Variants in EVC observed in about 807,000 individuals in gnomAD.
The protein encoded by EVC is evC complex member EVC.
EVC carries 116 observed loss-of-function variants against 118.9 expected under a neutral mutation model. The ratio of observed to expected loss-of-function variants is 0.98; its 90% CI spans 0.84 to 1.14. EVC has a LOEUF of 1.14. Among genes scored for constraint, EVC ranks in the 50% most tolerant of loss-of-function variants. The probability of loss-of-function intolerance (pLI) is 0.00; values close to 1 mark genes in which losing one functional copy is unlikely to be tolerated. For missense variants in EVC, 1,401 were observed against 1,246.4 expected (o/e 1.12, Z -1.87); for synonymous variants, 619 against 534.7 (o/e 1.16, Z -2.18).
rs943271747 is a variant in EVC, at chr4:5,732,095, A to G, written c.617+438A>G. Among the ~76,000 whole-genome samples, 5 of 141,622 alleles carry G rather than the reference A, an allele frequency of 3.5e-5. No homozygotes were observed. The East Asian group carries it at 5.8e-4, about 16-fold the overall frequency. The allele number at this position is 141,622 out of a possible 152,430, so 92.9% of individuals were successfully genotyped here. A position where few individuals can be genotyped will look rare whatever the true frequency, so the allele number is the denominator to read the frequency against. The stretch of plus-strand genomic sequence containing the variant: ...TGAATGAATTCCGTTTAACACCCCT[A>G]TGAAGTTGGTACTGTCATTTCCTCC... On this transcript the variant is annotated intron_variant, in intron 4 of 20. Coordinates refer to ENST00000264956, the MANE Select transcript of EVC (RefSeq NM_153717.3).
intron 11 of EVC, 87 bp from the exon 12 acceptor site, chr4:5,783,465 G>T: frequency 1.6e-6 from 2 of 1,271,538 alleles, no homozygotes; most frequent in Non-Finnish European, 2.3e-6. Flanking sequence ...CTTGTGGGAG[G>T]CTTGTGGAGG....
At position 5,777,544 on chromosome 4, in the gene EVC, T is replaced by G. The variant is rs900445246; in HGVS notation, c.1564-6008T>G. Among the ~76,000 whole-genome samples the G allele has an allele frequency of 2.6e-4, 40 of 152,304 alleles. 1 individual carries two copies. Among genetic ancestry groups the G allele is most frequent in the African/African-American group, 8.2e-4 (34 of 41,542 alleles). ...CTGGGCATGCCCCTCCAGATGTGTC[T>G]TCTTAGACCTTGGCCCATGTACTCA... On this transcript the variant is annotated intron_variant, in intron 11 of 20. Transcript: ENST00000264956.
chr4:5,815,214 C>T (rs1043790241), downstream of EVC, among the ~76,000 whole-genome samples: 9 of 152,116 alleles, frequency 5.9e-5, no homozygotes, highest in South Asian at 4.2e-4. Context: ...TCCCGGGTCT[C>T]GGTGGGGTCT....
chr4:5,787,034 C>T (rs1711784420), intron 12 of EVC, among the ~76,000 whole-genome samples: 1 of 152,206 alleles, frequency 6.6e-6, no homozygotes, highest in South Asian at 2.1e-4. Context: ...AAAAACACAT[C>T]GACTACAAAT....
At chr4:5,779,340 A>G (rs1367138082) in intron 11 of EVC, among the ~76,000 whole-genome samples, 2 of 151,768 alleles carry the variant, frequency 1.3e-5, no homozygotes, top group Admixed American at 6.6e-5. Flanking sequence ...TTTTGGTTCC[A>G]TATGAACTTT....
At chr4:5,773,071 C>T (rs553868481) in intron 11 of EVC, among the ~76,000 whole-genome samples, 1 of 152,322 alleles carries the variant, frequency 6.6e-6, no homozygotes, top group African/African-American at 2.4e-5. Flanking sequence ...ACACCTGCCT[C>T]GGTCACCGCA....
At position 5,748,177 on chromosome 4, in the gene EVC, T is replaced by C. The variant is rs4688963; in HGVS notation, c.969T>C (p.Asn323=). ...NMEAFWKQMA[N]IQHFLVDQFK... ...AAGCTTTCTGGAAACAGATGGCAAA[T>C]ATCCAGCACTTTCTTGTGGACCAGT... The change falls in exon 8 of 21, where the codon AAT becomes AAC. Residue 323 remains asparagine (N), a synonymous_variant. Transcript: ENST00000264956. The C allele has an allele frequency of 0.4, 645,446 of 1,613,814 alleles. 132,275 individuals carry two copies. The highest frequency in any genetic ancestry group is 0.64 in the East Asian group (28,706 of 44,858).
chr4:5,828,587 C>T, the EVC span: 1 of 1,614,206 alleles, frequency 6.2e-7, no homozygotes, highest in Non-Finnish European at 8.5e-7. Context: ...TTTCCGTCTT[C>T]AAAGACGATC....
intron 11 of EVC, among the ~76,000 whole-genome samples, chr4:5,767,141 T>C (rs1233161548): frequency 1.3e-5 from 2 of 151,594 alleles, no homozygotes; most frequent in African/African-American, 4.9e-5. Flanking sequence ...CAGCTGCAGG[T>C]CTGTTGGAGT....
At position 5,738,590 on chromosome 4, in the gene EVC, A is replaced by G. The variant is rs1224820220; in HGVS notation, c.703-3126A>G. 6.6e-6 allele frequency among the ~76,000 whole-genome samples: 1 copy of G among 151,804 alleles called. No homozygotes were observed. Among genetic ancestry groups the G allele is most frequent in the East Asian group, 1.9e-4 (1 of 5,188 alleles). ...CAACATTGAGACAAGACCCTCCACC[A>G]GCTAAAAGATTACAACTTTTTTTTT... On this transcript the variant is annotated intron_variant, in intron 5 of 20. Transcript: ENST00000264956. The surrounding 1 kb of genome is among the most constrained non-coding windows in gnomAD (Gnocchi z 6.5).
At chr4:5,714,053 C>A (rs1343963901) in intron 1 of EVC, among the ~76,000 whole-genome samples, 1 of 152,232 alleles carries the variant, frequency 6.6e-6, no homozygotes, top group Non-Finnish European at 1.5e-5. Context: ...CTCGCTGTTC[C>A]CCGTACACCT....
chr4:5,793,465 G>GAGAA, intron 12 of EVC, 143 bp from the exon 13 acceptor site: 1 of 773,476 alleles, frequency 1.3e-6, no homozygotes, highest in Non-Finnish European at 2.3e-6. Context: ...GAAAATACAA[G>GAGAA]AGAAAATGTT....
At chr4:5,826,310 G>A in the EVC span, 903 of 152,866 alleles carry the variant, frequency 5.9e-3, 2 homozygotes, top group Non-Finnish European at 9.0e-3. Flanking sequence ...GCGAGGCAAA[G>A]ATTCGGGGGG....
At chr4:5,816,935 A>G (rs1310781227), downstream of EVC, among the ~76,000 whole-genome samples, 2 of 152,034 alleles carry the variant, frequency 1.3e-5, no homozygotes, top group African/African-American at 2.4e-5. Context: ...GGCCCAGGCA[A>G]CCCTAGAGAA....
chr4:5,797,654 C>T (rs1714232955), intron 14 of EVC, among the ~76,000 whole-genome samples: 1 of 152,200 alleles, frequency 6.6e-6, no homozygotes, highest in South Asian at 2.1e-4. Context: ...ACTTACTGAC[C>T]TCCCATTTTG....
rs886059494 is a variant in EVC at position 5,711,242 on chromosome 4, GGA to G, written c.-136_-135del. 13 of 450,306 alleles carry G rather than the reference GGA, an allele frequency of 2.9e-5. No individual in the cohort carries two copies. The highest frequency in any genetic ancestry group is 3.5e-5 in the Non-Finnish European group (12 of 340,244). The allele number at this position is 450,306 out of a possible 1,614,324, so 27.9% of individuals were successfully genotyped here. A position where few individuals can be genotyped will look rare whatever the true frequency, so the allele number is the denominator to read the frequency against. ...GGGAAGGGGAGAGAAGCAGGAGTCG[GGA>G]GACTGCACAGGCCAGAAAGTCTGCG... On this transcript the variant is annotated 5_prime_UTR_variant, in exon 1 of 21. Transcript: ENST00000264956.
rs1716953394 is a variant in EVC at position 5,811,844 on chromosome 4, T to G, written c.*807T>G. 1 of 146,412 alleles carries G rather than the reference T, an allele frequency of 6.8e-6. No individual in the cohort carries two copies. Among genetic ancestry groups the G allele is most frequent in the Non-Finnish European group, 1.5e-5 (1 of 68,524 alleles). The allele number at this position is 146,412 out of a possible 1,614,324, so 9.1% of individuals were successfully genotyped here. On this transcript the variant is annotated 3_prime_UTR_variant, in exon 21 of 21. Transcript: ENST00000264956. ...AGGCCTTTCCCACCGGTAGAGAAAC[T>G]TCCAGACCAGCCCCTCACACCACAG...
chr4:5,747,658 A>C (rs1010237730), intron 7 of EVC, among the ~76,000 whole-genome samples: 4 of 152,200 alleles, frequency 2.6e-5, no homozygotes, highest in Non-Finnish European at 5.9e-5. Flanking sequence ...GGGGGAGGGA[A>C]GATTTTAAAG....
intron 1 of EVC, among the ~76,000 whole-genome samples, chr4:5,718,019 G>T (rs1449126678): frequency 6.6e-6 from 1 of 152,234 alleles, no homozygotes; most frequent in South Asian, 2.1e-4. Context: ...GATTAACTCA[G>T]TGACAAACTG....
Sources: allele counts gnomAD v4.1 joint callset (sites outside exome capture counted in the v4.1 genomes callset), GRCh38; gene constraint gnomAD v4.1.1; non-coding constraint Gnocchi (gnomAD v3.1); transcripts MANE v1.5; gene names NCBI Gene and HGNC (gene_info 2026-07-23, HGNC 2026-07-21).